CUX2: variants seen among roughly 807,000 people sequenced by gnomAD.
CUX2 encodes cut like homeobox 2, also known as homeobox protein cut-like 2.
CUX2 carries 40 observed loss-of-function variants against 144.8 expected under a neutral mutation model. The observed-to-expected ratio is 0.28, with a 90% confidence interval of 0.21 to 0.36. CUX2 has a LOEUF of 0.36. Among genes scored for constraint, CUX2 ranks in the 10% least tolerant of loss-of-function variants. CUX2 has a pLI of 1.00. For synonymous variants in CUX2, 827 were observed against 875.6 expected (o/e 0.94, Z 0.98); for missense variants, 1,615 against 1,994.0 (o/e 0.81, Z 3.62).
rs1238094408 is a variant in CUX2, at chr12:111,304,462, T to C, written c.858+148T>C. ...GGGAGTGTGAATGTGTGTGGGTCTC[T>C]GTGCATACGGTGAGCATAATCACTA... On this transcript the variant is annotated intron_variant, in intron 10 of 21. Transcript: ENST00000261726. This position sits in a 1 kb window ranked among gnomAD's most constrained non-coding sequence, Gnocchi z 4.7. The C allele has an allele frequency of 1.5e-6, 1 of 661,122 alleles. No homozygotes were observed. Among genetic ancestry groups the C allele is most frequent in the East Asian group, 2.7e-5 (1 of 36,366 alleles). The allele number at this position is 661,122 out of a possible 1,614,324, so 41.0% of individuals were successfully genotyped here. A position where few individuals can be genotyped will look rare whatever the true frequency, so the allele number is the denominator to read the frequency against.
At position 111,077,477 on chromosome 12, in the gene CUX2, C is replaced by G. The variant is rs1871604015; in HGVS notation, c.63+43237C>G. Among the ~76,000 whole-genome samples, 1 of 152,190 alleles carries G rather than the reference C, an allele frequency of 6.6e-6. No individual in the cohort carries two copies. The highest frequency in any genetic ancestry group is 2.1e-4 in the South Asian group (1 of 4,832). On this transcript the variant is annotated intron_variant, in intron 1 of 21. Transcript: ENST00000261726. This position sits in a 1 kb window ranked among gnomAD's most constrained non-coding sequence, Gnocchi z 4.1. ...GCTCACCAGCCCCGGTCTTGGACCA[C>G]TGAATAATTTACGGTCCCTCGGAGC...
Position 111,190,254 on chromosome 12 carries a change from C to A in CUX2, c.64-23946C>A, listed in dbSNP as rs1879796860. On this transcript the variant is annotated intron_variant, in intron 1 of 21. Coordinates refer to ENST00000261726, the MANE Select transcript of CUX2 (RefSeq NM_015267.4). This position sits in a 1 kb window ranked among gnomAD's most constrained non-coding sequence, Gnocchi z 4.0. ...GTACATTCCTTCTCTCTCTCTGTGG[C>A]CTTGCCTTTGCGCTTTTATTGCACT... is the stretch of plus-strand genomic sequence containing the variant. Among the ~76,000 whole-genome samples, 2 of 152,080 alleles carry A rather than the reference C, an allele frequency of 1.3e-5. No individual in the cohort carries two copies. The highest frequency in any genetic ancestry group is 4.8e-5 in the African/African-American group (2 of 41,390).
At chr12:111,099,180 G>A (rs561960406) in intron 1 of CUX2, among the ~76,000 whole-genome samples, 177 of 152,360 alleles carry the variant, frequency 1.2e-3, no homozygotes, top group African/African-American at 4.1e-3. Flanking sequence ...CAGACCTGAA[G>A]GGCGACCAGG....
In CUX2 at chr12:111,306,932, C is replaced by T. The variant is rs748871113; in HGVS notation, c.870C>T (p.Asn290=). ...CCCTTTGCCTGCAGGATAAGGTGAA[C>T]TTCACTCTGTGCTCGGGCCCTCGGC... ...SPQGPSGDKV[N]FTLCSGPRLE... Residue 290 remains asparagine (N), a synonymous_variant, in exon 11 of 22, where the codon AAC becomes AAT. Coordinates refer to ENST00000261726, the MANE Select transcript of CUX2 (RefSeq NM_015267.4). 8.7e-6 allele frequency: 14 copies of T among 1,605,928 alleles called. No individual in the cohort carries two copies. Among genetic ancestry groups the T allele is most frequent in the Middle Eastern group, 1.7e-4 (1 of 5,772 alleles).
chr12:111,308,582 C>A, intron 14 of CUX2, 56 bp downstream of exon 14: 1 of 1,430,782 alleles, frequency 7.0e-7, no homozygotes, highest in Non-Finnish European at 9.6e-7. Context: ...GCCTGTGGGT[C>A]TCTGGCCTTC....
intron 16 of CUX2, among the ~76,000 whole-genome samples, chr12:111,316,305 A>G (rs1219984486): frequency 7.0e-6 from 1 of 143,008 alleles, no homozygotes; most frequent in East Asian, 2.1e-4. Context: ...CGCCCGGTTA[A>G]TTTTTTTTTT....
intron 3 of CUX2, among the ~76,000 whole-genome samples, chr12:111,225,529 G>A (rs1008548950): frequency 9.9e-5 from 15 of 152,214 alleles, no homozygotes; most frequent in African/African-American, 3.1e-4. Context: ...GGCTCAGAGA[G>A]GTCAAGTGAC....
Position 111,296,457 on chromosome 12 carries a change from C to T in CUX2, c.638-16C>T. The T allele has an allele frequency of 6.3e-7, 1 of 1,598,684 alleles. No individual in the cohort carries two copies. The highest frequency in any genetic ancestry group is 8.5e-7 in the Non-Finnish European group (1 of 1,171,684). ...ACTCGGAGGTGGGGCCTCACCCTGC[C>T]TCTGCTTTCTCCCAGCGCTAAAGGC... On this transcript the variant is annotated splice_polypyrimidine_tract_variant and intron_variant, in intron 7 of 21. Coordinates refer to ENST00000261726, the MANE Select transcript of CUX2 (RefSeq NM_015267.4).
intron 1 of CUX2, among the ~76,000 whole-genome samples, chr12:111,164,856 G>A (rs1017418175): frequency 1.3e-4 from 20 of 152,136 alleles, no homozygotes; most frequent in African/African-American, 4.8e-4. Context: ...TAGAAATACA[G>A]AGACTTGTCC....
At chr12:111,084,257 C>T (rs1872066828) in intron 1 of CUX2, among the ~76,000 whole-genome samples, 1 of 152,136 alleles carries the variant, frequency 6.6e-6, no homozygotes, top group African/African-American at 2.4e-5. Context: ...AGCCCTGAGA[C>T]ATAAAGGATT....
chr12:111,101,913 T>C (rs549596162), intron 1 of CUX2, among the ~76,000 whole-genome samples: 36 of 152,356 alleles, frequency 2.4e-4, no homozygotes, highest in African/African-American at 8.7e-4. Context: ...ACCGACTACA[T>C]GGGGATGTTG....
chr12:111,266,048 A>G (rs909948336), intron 4 of CUX2, among the ~76,000 whole-genome samples: 2 of 152,206 alleles, frequency 1.3e-5, no homozygotes, highest in African/African-American at 4.8e-5. Flanking sequence ...GTGGCCTCCA[A>G]AATTTATGTC....
chr12:111,247,830 G>T (rs560721682), intron 3 of CUX2, among the ~76,000 whole-genome samples: 1 of 152,298 alleles, frequency 6.6e-6, no homozygotes, highest in Admixed American at 6.5e-5. Flanking sequence ...CCTTTGGCCA[G>T]AAATTCCAAG....
At chr12:111,301,247 A>G (rs1281942776) in intron 9 of CUX2, among the ~76,000 whole-genome samples, 6 of 152,166 alleles carry the variant, frequency 3.9e-5, no homozygotes, top group Non-Finnish European at 7.4e-5. Context: ...ATTATTACTT[A>G]CAGGATAATA....
intron 1 of CUX2, among the ~76,000 whole-genome samples, chr12:111,045,374 TC>T (rs1270567073): frequency 6.6e-6 from 1 of 152,162 alleles, no homozygotes; most frequent in Non-Finnish European, 1.5e-5. Context: ...CAGCTATGTG[TC>T]CCAAGCTGCC....
At chr12:111,122,869 G>C (rs1242422587) in intron 1 of CUX2, among the ~76,000 whole-genome samples, 3 of 152,208 alleles carry the variant, frequency 2.0e-5, no homozygotes, top group Non-Finnish European at 2.9e-5. Context: ...GTCACAGGCT[G>C]CTTCTTTTAA....
At chr12:111,041,357 G>C (rs1041491205) in intron 1 of CUX2, among the ~76,000 whole-genome samples, 1 of 152,176 alleles carries the variant, frequency 6.6e-6, no homozygotes, top group Non-Finnish European at 1.5e-5. Flanking sequence ...AAACAGCAGC[G>C]GCTGGAACTT....
At chr12:111,120,013 G>A (rs111615150) in intron 1 of CUX2, among the ~76,000 whole-genome samples, 9 of 152,238 alleles carry the variant, frequency 5.9e-5, no homozygotes, top group Middle Eastern at 3.4e-3. Context: ...AGTCAAGATC[G>A]CGGCACTGCA....
intron 3 of CUX2, among the ~76,000 whole-genome samples, chr12:111,224,334 G>A (rs775275728): frequency 1.3e-5 from 2 of 151,896 alleles, no homozygotes; most frequent in Non-Finnish European, 2.9e-5. Flanking sequence ...TCCTGAGAGG[G>A]GAGTGGAGGG....
Sources: allele counts gnomAD v4.1 joint callset (sites outside exome capture counted in the v4.1 genomes callset), GRCh38; gene constraint gnomAD v4.1.1; non-coding constraint Gnocchi (gnomAD v3.1); transcripts MANE v1.5; gene names NCBI Gene and HGNC (gene_info 2026-07-23, HGNC 2026-07-21).